DSG3: variants seen among roughly 807,000 people sequenced by gnomAD.
The protein encoded by DSG3 is desmoglein 3, also known as desmoglein-3.
A neutral mutation model predicts 85.9 loss-of-function variants in DSG3; 63 were observed. The observed-to-expected ratio is 0.73, with a 90% CI of 0.60 to 0.90. The LOEUF is 0.90. Among genes scored for constraint, DSG3 ranks in the 40% least tolerant of loss-of-function variants. The probability of loss-of-function intolerance (pLI) is 0.00; values close to 1 mark genes in which losing one functional copy is unlikely to be tolerated. For synonymous variants in DSG3, 447 were observed against 441.9 expected (o/e 1.01, Z -0.14); for missense variants, 1,220 against 1,219.9 (o/e 1.00, Z 0.00).
At chr18:31,475,170 C>T (rs1427326514) in intron 15 of DSG3, among the ~76,000 whole-genome samples, 1 of 152,196 alleles carries the variant, frequency 6.6e-6, no homozygotes, top group African/African-American at 2.4e-5. Flanking sequence ...ATGCTTGCCT[C>T]TCATTTGATA....
At position 31,477,759 on chromosome 18, in the gene DSG3, C is replaced by T. The variant is rs1598790687; in HGVS notation, c.*1499C>T. On this transcript the variant is annotated 3_prime_UTR_variant, in exon 16 of 16. Transcript: ENST00000257189. Reference sequence around the variant, plus strand: ...TTTCTGGTCATTCAAGATATTCACCCTTTTGCCCATAGAAAGCACCCTACC... The same window carrying T: ...TTTCTGGTCATTCAAGATATTCACCTTTTTGCCCATAGAAAGCACCCTACC... 1.3e-5 allele frequency: 2 copies of T among 152,276 alleles called. No individual in the cohort carries two copies. The highest frequency in any genetic ancestry group is 3.9e-4 in the East Asian group (2 of 5,178). The allele number at this position is 152,276 out of a possible 1,614,324, so 9.4% of individuals were successfully genotyped here. A position where few individuals can be genotyped will look rare whatever the true frequency, so the allele number is the denominator to read the frequency against.
Position 31,472,705 on chromosome 18 carries a change from A to G in DSG3, c.2038-20A>G. On this transcript the variant is annotated intron_variant, in intron 13 of 15. Transcript: ENST00000257189. Reference sequence around the variant, plus strand: ...ATCTGGTTCACTTTTAAATGAATTTATTTTTCACATGGTTTGCAGGAAATC... The same window carrying G: ...ATCTGGTTCACTTTTAAATGAATTTGTTTTTCACATGGTTTGCAGGAAATC... The G allele has an allele frequency of 6.2e-7, 1 of 1,613,070 alleles. No individual in the cohort carries two copies. The highest frequency in any genetic ancestry group is 8.5e-7 in the Non-Finnish European group (1 of 1,179,324).
chr18:31,452,121 A>G (rs2072715023), intron 1 of DSG3, among the ~76,000 whole-genome samples: 1 of 152,218 alleles, frequency 6.6e-6, no homozygotes, highest in Non-Finnish European at 1.5e-5. Context: ...AGCAACCTAC[A>G]CAATTGTACA....
At chr18:31,454,705 G>C (rs2072731491) in intron 1 of DSG3, among the ~76,000 whole-genome samples, 1 of 145,728 alleles carries the variant, frequency 6.9e-6, no homozygotes, top group African/African-American at 2.6e-5. Context: ...TGACAACTTT[G>C]GTTAGAATTT....
chr18:31,455,418 A>G (rs923382190), intron 1 of DSG3, among the ~76,000 whole-genome samples: 15 of 152,196 alleles, frequency 9.9e-5, no homozygotes, highest in African/African-American at 3.6e-4. Context: ...AAATAACCTA[A>G]TAGCACTGAA....
intron 3 of DSG3, 100 bp from the exon 4 acceptor site, chr18:31,458,345 G>A: frequency 1.6e-6 from 2 of 1,251,276 alleles, no homozygotes; most frequent in Non-Finnish European, 2.2e-6. Flanking sequence ...CAAAAAGAGT[G>A]AATCGAATGA....
intron 1 of DSG3, among the ~76,000 whole-genome samples, chr18:31,454,338 C>A (rs1265002092): frequency 6.6e-6 from 1 of 152,180 alleles, no homozygotes; most frequent in Non-Finnish European, 1.5e-5. Context: ...TTTATCTGGT[C>A]TTTTCTACCA....
At chr18:31,464,526 C>A (rs1170571363) in intron 9 of DSG3, 144 bp downstream of exon 9, 4 of 858,188 alleles carry the variant, frequency 4.7e-6, no homozygotes, top group Non-Finnish European at 6.8e-6. Flanking sequence ...CAAAAAGTAA[C>A]ATTTAGCTAA....
chr18:31,461,100 T>C, intron 7 of DSG3, 127 bp from the exon 8 acceptor site: 1 of 1,251,624 alleles, frequency 8.0e-7, no homozygotes. Context: ...TTAAAAAATA[T>C]AAGAATTCAG....
Position 31,476,429 on chromosome 18 carries a change from C to A in DSG3, c.*169C>A. ...AATGTTTGGGTTCATACCCCAAAAG[C>A]AATATGTTGTCACTCCTAATTCTCA... is the stretch of plus-strand genomic sequence containing the variant. On this transcript the variant is annotated 3_prime_UTR_variant, in exon 16 of 16. Transcript: ENST00000257189. 1 of 685,624 alleles carries A rather than the reference C, an allele frequency of 1.5e-6. No homozygotes were observed. 42.5% of individuals were successfully genotyped at this position (685,624 alleles called of 1,614,324 possible).
At position 31,464,261 on chromosome 18, in the gene DSG3, C is replaced by T. The variant is rs142415015; in HGVS notation, c.1150C>T (p.Arg384Cys). Residue 384 changes from arginine (R) to cysteine (C), a missense_variant, in exon 9 of 16, where the codon CGT (arginine) becomes TGT (cysteine). Physicochemically the swap from Arg to Cys is radical, Grantham distance 180. Coordinates refer to ENST00000257189, the MANE Select transcript of DSG3 (RefSeq NM_001944.3). Reference sequence around the variant, plus strand: ...AAATGTAAGAGAAGGAATTGCATTCCGTCCTGCTTCCAAGACATTTACTGT... The same window carrying T: ...AAATGTAAGAGAAGGAATTGCATTCTGTCCTGCTTCCAAGACATTTACTGT... ...VINVREGIAF[R>C]PASKTFTVQK... 6.2e-6 allele frequency: 10 copies of T among 1,614,114 alleles called. No homozygotes were observed. The highest frequency in any genetic ancestry group is 1.1e-5 in the South Asian group (1 of 91,082).
At chr18:31,469,868 T>G (rs967421304) in intron 12 of DSG3, among the ~76,000 whole-genome samples, 5 of 151,402 alleles carry the variant, frequency 3.3e-5, no homozygotes, top group African/African-American at 9.7e-5. Context: ...ATGATATTAA[T>G]ATTAATATCA....
chr18:31,473,582 T>C (rs2144246090), intron 14 of DSG3, among the ~76,000 whole-genome samples: 1 of 152,342 alleles, frequency 6.6e-6, no homozygotes, highest in African/African-American at 2.4e-5. Flanking sequence ...CCATTAGAAT[T>C]ACATAGCAAG....
intron 11 of DSG3, among the ~76,000 whole-genome samples, chr18:31,467,250 A>G (rs1041284732): frequency 2.0e-5 from 3 of 152,300 alleles, no homozygotes; most frequent in Non-Finnish European, 4.4e-5. Flanking sequence ...CTGAGGCAGG[A>G]GAATCACTTG....
At chr18:31,475,524 T>A (rs1244130401) in intron 15 of DSG3, 122 bp from the exon 16 acceptor site, 5 of 1,216,012 alleles carry the variant, frequency 4.1e-6, no homozygotes, top group Non-Finnish European at 5.7e-6. Context: ...GACAGTGTCC[T>A]TTATTTCTAT....
chr18:31,456,408 CATTTAATTCGACTTT>C lies in DSG3; in HGVS notation c.49-25_49-11del, dbSNP rs749252599. 1.5e-6 allele frequency: 2 copies of C among 1,315,438 alleles called. No individual in the cohort carries two copies. The highest frequency in any genetic ancestry group is 2.0e-6 in the Non-Finnish European group (2 of 1,011,078). 81.5% of individuals were successfully genotyped at this position (1,315,438 alleles called of 1,614,324 possible). On this transcript the variant is annotated splice_polypyrimidine_tract_variant and intron_variant, in intron 1 of 15. Coordinates refer to ENST00000257189, the MANE Select transcript of DSG3 (RefSeq NM_001944.3). ...TATAATTCCTTATTTGAAGAATTCA[CATTTAATTCGACTTT>C]ATTTAAATGTCTGCAGGTGGTCATA...
rs148820666 is a variant in DSG3, at chr18:31,476,018, G to C, written c.2758G>C (p.Val920Leu). 6.8e-6 allele frequency: 11 copies of C among 1,614,080 alleles called. No homozygotes were observed. The African/African-American group carries it at 1.5e-4, about 22-fold the overall frequency. Reference sequence around the variant, plus strand: ...CACCTCTGGGTCTGTCCAGCCAGCTGTTTCCATCCCTGACCCTCTGCAGCA... The same window carrying C: ...CACCTCTGGGTCTGTCCAGCCAGCTCTTTCCATCCCTGACCCTCTGCAGCA... The part of the protein sequence containing the change: ...LSTSGSVQPA[V>L]SIPDPLQHGN... Residue 920 changes from valine to leucine, a missense_variant, in exon 16 of 16, where the codon GTT becomes CTT. Coordinates refer to ENST00000257189, the MANE Select transcript of DSG3 (RefSeq NM_001944.3).
chr18:31,463,172 A>G (rs2072796656), intron 8 of DSG3, among the ~76,000 whole-genome samples: 2 of 152,218 alleles, frequency 1.3e-5, no homozygotes, highest in Non-Finnish European at 1.5e-5. Context: ...GCTTAGATGA[A>G]TACCTCTCAG....
At position 31,474,420 on chromosome 18, in the gene DSG3, A is replaced by G. The variant is rs763826611; in HGVS notation, c.2385+16A>G. The stretch of plus-strand genomic sequence containing the variant: ...CTTTTCTCAGGTAATTTGGTGAAAA[A>G]CTTTGTGGCTTGATTATCTTATTTA... On this transcript the variant is annotated intron_variant, in intron 15 of 15. Coordinates refer to ENST00000257189, the MANE Select transcript of DSG3 (RefSeq NM_001944.3). 6.3e-7 allele frequency: 1 copy of G among 1,586,588 alleles called. No individual in the cohort carries two copies. Among genetic ancestry groups the G allele is most frequent in the East Asian group, 2.3e-5 (1 of 44,340 alleles).
Sources: gnomAD v4.1 joint callset for allele counts (sites outside exome capture counted in the v4.1 genomes callset) on GRCh38, gnomAD v4.1.1 for gene constraint, MANE v1.5 for transcripts, NCBI Gene and HGNC (gene_info 2026-07-23, HGNC 2026-07-21) for gene names.